Variants in PCDH15 observed in about 807,000 individuals in gnomAD.
PCDH15 encodes the protein protocadherin-15.
A neutral mutation model predicts 178.5 loss-of-function variants in PCDH15; 129 were observed. The observed-to-expected ratio is 0.72, with a 90% CI of 0.63 to 0.84. The LOEUF (loss-of-function observed/expected upper bound fraction) is 0.84, where lower values mean the gene tolerates loss of function less well. Ranked by LOEUF, PCDH15 falls within the 40% of genes least tolerant of loss-of-function variation. The pLI is 0.00. For synonymous variants in PCDH15, 800 were observed against 732.0 expected, an observed-to-expected ratio of 1.09 and a Z score of -1.50; for missense variants, 2,230 against 2,099.9, an observed-to-expected ratio of 1.06 and a Z score of -1.21.
chr10:54,599,728 G>A, intron 2 of PCDH15: 2 of 468,344 alleles, frequency 4.3e-6, no homozygotes, highest in Non-Finnish European at 8.1e-6. Context: ...GAAAGAAGGG[G>A]AAAAGGAAGA....
Position 54,890,430 on chromosome 10 carries a change from T to C in PCDH15, c.-29+7020A>G, listed in dbSNP as rs574869381. ...ATAAATGTAAATAAAATATAAAATG[T>C]AATAAAAAATATAACTGTGCCGTAG... On this transcript the variant is annotated intron_variant, in intron 3 of 5. Coordinates refer to the PCDH15 transcript ENST00000458638. Among the ~76,000 whole-genome samples the C allele has an allele frequency of 2.2e-4, 33 of 152,116 alleles. 2 individuals are homozygous for C. In the South Asian group the frequency reaches 6.8e-3, roughly 31 times the overall value.
chr10:54,181,316 T>C (rs1164249361), intron 13 of PCDH15, among the ~76,000 whole-genome samples: 1 of 152,216 alleles, frequency 6.6e-6, no homozygotes, highest in Non-Finnish European at 1.5e-5. Flanking sequence ...ATATTACTTG[T>C]CTAAGGGTCT....
At chr10:54,094,925 T>A (rs2094672753) in intron 15 of PCDH15, among the ~76,000 whole-genome samples, 1 of 152,156 alleles carries the variant, frequency 6.6e-6, no homozygotes, top group East Asian at 1.9e-4. Context: ...AGCAGTGTTC[T>A]TAGACACTGG....
chr10:55,294,364 G>C (rs1843083711), intron 1 of PCDH15, among the ~76,000 whole-genome samples: 1 of 152,128 alleles, frequency 6.6e-6, no homozygotes, highest in Admixed American at 6.5e-5. Context: ...GTTATGTATA[G>C]CTAGGTGTTG....
intron 26 of PCDH15, among the ~76,000 whole-genome samples, chr10:53,869,167 A>G (rs2079655473): frequency 6.6e-6 from 1 of 152,220 alleles, no homozygotes; most frequent in Admixed American, 6.5e-5. Context: ...TAGATAGTTT[A>G]TATGGCTTAC....
At chr10:54,788,225 C>T (rs1951073943) in intron 1 of PCDH15, among the ~76,000 whole-genome samples, 1 of 151,678 alleles carries the variant, frequency 6.6e-6, no homozygotes, top group Admixed American at 6.6e-5. Flanking sequence ...GGGTTTCAAG[C>T]TTGTAATATG....
chr10:54,085,855 GAAAGT>G (rs1178850959), intron 16 of PCDH15, among the ~76,000 whole-genome samples: 1 of 151,880 alleles, frequency 6.6e-6, no homozygotes, highest in African/African-American at 2.4e-5. Flanking sequence ...TTCATTAAAG[GAAAGT>G]AATGGTATTA....
intron 2 of PCDH15, among the ~76,000 whole-genome samples, chr10:55,519,806 A>C (rs1841115082): frequency 6.6e-6 from 1 of 151,556 alleles, no homozygotes; most frequent in African/African-American, 2.4e-5. Flanking sequence ...CTTTTACTAT[A>C]AATGTCAAGC....
At chr10:55,522,932 T>C (rs1841217128) in intron 2 of PCDH15, among the ~76,000 whole-genome samples, 1 of 151,722 alleles carries the variant, frequency 6.6e-6, no homozygotes, top group South Asian at 2.1e-4. Context: ...TTTTTTGTAG[T>C]GGTATATTTT....
intron 2 of PCDH15, among the ~76,000 whole-genome samples, chr10:55,126,301 T>TA (rs1352714190): frequency 6.6e-6 from 1 of 152,126 alleles, no homozygotes; most frequent in Non-Finnish European, 1.5e-5. Context: ...GGATGATGAA[T>TA]AACCCATAGT....
chr10:54,804,927 T>TTTTATTTATATATATATATATATATA (rs536235796), upstream of PCDH15, among the ~76,000 whole-genome samples: 2 of 50,842 alleles, frequency 3.9e-5, no homozygotes, highest in East Asian at 1.3e-3. Flanking sequence ...TCATAGTAGA[T>TTTTATTTATATATATATATATATATA]TATATATATA....
intron 16 of PCDH15, among the ~76,000 whole-genome samples, chr10:54,083,870 G>T (rs1352106491): frequency 1.3e-5 from 2 of 152,050 alleles, no homozygotes; most frequent in African/African-American, 4.8e-5. Context: ...TATTATGCTT[G>T]GCATACTCAA....
chr10:54,704,010 T>C (rs960498652), intron 1 of PCDH15, among the ~76,000 whole-genome samples: 1 of 151,936 alleles, frequency 6.6e-6, no homozygotes, highest in Non-Finnish European at 1.5e-5. Flanking sequence ...GGTGAAACAA[T>C]TCAGTGTTCA....
intron 1 of PCDH15, among the ~76,000 whole-genome samples, chr10:54,685,984 G>A (rs952424331): frequency 6.6e-6 from 1 of 150,924 alleles, no homozygotes; most frequent in East Asian, 1.9e-4. Context: ...AATCATCACT[G>A]CCTCTACTTT....
chr10:54,215,724 A>G (rs1462988500), intron 9 of PCDH15, among the ~76,000 whole-genome samples: 1 of 152,190 alleles, frequency 6.6e-6, no homozygotes, highest in Non-Finnish European at 1.5e-5. Flanking sequence ...ACCACAAGTG[A>G]CAAACTGAGA....
chr10:54,037,163 G>A (rs1338616194), intron 18 of PCDH15, among the ~76,000 whole-genome samples: 1 of 151,900 alleles, frequency 6.6e-6, no homozygotes, highest in Non-Finnish European at 1.5e-5. Context: ...TCCTAATGAA[G>A]ATGCTGTGAA....
At chr10:54,773,413 G>T (rs1467629283) in intron 1 of PCDH15, among the ~76,000 whole-genome samples, 1 of 152,144 alleles carries the variant, frequency 6.6e-6, no homozygotes, top group African/African-American at 2.4e-5. Flanking sequence ...ATAAATGAAA[G>T]ATTTAAATTC....
chr10:55,569,241 T>A (rs1842360868), intron 2 of PCDH15, among the ~76,000 whole-genome samples: 2 of 152,044 alleles, frequency 1.3e-5, no homozygotes, highest in South Asian at 4.1e-4. Flanking sequence ...ACCATGAAGA[T>A]ATTAAAATTA....
At chr10:54,847,730 G>A (rs1953539826) in intron 3 of PCDH15, among the ~76,000 whole-genome samples, 1 of 152,162 alleles carries the variant, frequency 6.6e-6, no homozygotes, top group African/African-American at 2.4e-5. Context: ...TATGAGAAGG[G>A]TGTGGTTGAA....
Sources: allele counts gnomAD v4.1 joint callset (sites outside exome capture counted in the v4.1 genomes callset), GRCh38; gene constraint gnomAD v4.1.1; transcripts MANE v1.5; gene names NCBI Gene and HGNC (gene_info 2026-07-23, HGNC 2026-07-21).